Variants in ARHGAP42 observed in about 807,000 individuals in gnomAD.
ARHGAP42 encodes rho GTPase-activating protein 42.
In ARHGAP42, 63 loss-of-function variants were observed where a neutral mutation model predicts 125.0. The ratio of observed to expected loss-of-function variants is 0.50; its 90% CI spans 0.41 to 0.62. ARHGAP42 has a LOEUF of 0.62. Ranked by LOEUF, ARHGAP42 falls within the 20% of genes least tolerant of loss-of-function variation. The probability of loss-of-function intolerance (pLI) is 0.00; values close to 1 mark genes in which losing one functional copy is unlikely to be tolerated. For missense variants in ARHGAP42, 766 were observed against 1,024.2 expected, an observed-to-expected ratio of 0.75 and a Z score of 3.44; for synonymous variants, 339 against 351.0, an observed-to-expected ratio of 0.97 and a Z score of 0.38.
chr11:100,960,730 T>C (rs1857932755), intron 13 of ARHGAP42, among the ~76,000 whole-genome samples, 185 bp from the exon 14 acceptor site: 1 of 152,190 alleles, frequency 6.6e-6, no homozygotes, highest in South Asian at 2.1e-4. Context: ...TTCAAATCAC[T>C]GTTCAGTGTC....
At chr11:100,891,696 G>C (rs907014588) in intron 4 of ARHGAP42, among the ~76,000 whole-genome samples, 1 of 152,084 alleles carries the variant, frequency 6.6e-6, no homozygotes, top group Non-Finnish European at 1.5e-5. Context: ...ACCCACCTTG[G>C]CCTCCCTAAG....
rs138396136 is a variant in ARHGAP42, at chr11:100,728,890, T to A, written c.154+41058T>A. On this transcript the variant is annotated intron_variant, in intron 1 of 23. Transcript: ENST00000298815. ...TTCAAGCGGTTCTTCTGTCTCAGCT[T>A]CCTGGGTAGCTGGGATCACAGGCAT... 8.2e-3 allele frequency among the ~76,000 whole-genome samples: 1,250 copies of A among 152,024 alleles called. 17 individuals are homozygous for A. Among genetic ancestry groups the A allele is most frequent in the African/African-American group, 0.028 (1,179 of 41,468 alleles).
intron 1 of ARHGAP42, among the ~76,000 whole-genome samples, chr11:100,744,001 C>T (rs962534182): frequency 1.3e-5 from 2 of 152,134 alleles, no homozygotes; most frequent in African/African-American, 2.4e-5. Context: ...GTTGGAGTCT[C>T]GCTCTGCTGC....
intron 22 of ARHGAP42, chr11:100,986,138 G>A: frequency 2.2e-6 from 1 of 454,214 alleles, no homozygotes; most frequent in South Asian, 1.6e-5. Context: ...ATTGTGTCTA[G>A]GGGAGAAGAT....
At chr11:100,861,930 C>G (rs1048101200) in intron 4 of ARHGAP42, among the ~76,000 whole-genome samples, 2 of 151,884 alleles carry the variant, frequency 1.3e-5, no homozygotes, top group Non-Finnish European at 2.9e-5. Context: ...GGGAAGAGGA[C>G]CCAGGATGTT....
chr11:100,745,560 G>A (rs1862282842), intron 1 of ARHGAP42, among the ~76,000 whole-genome samples: 1 of 152,124 alleles, frequency 6.6e-6, no homozygotes, highest in Non-Finnish European at 1.5e-5. Context: ...CCTGTAAAGG[G>A]GTCATTTACC....
rs546129038 is a variant in ARHGAP42, at chr11:100,703,695, G to A, written c.154+15863G>A. 1.5e-3 allele frequency among the ~76,000 whole-genome samples: 227 copies of A among 152,356 alleles called. 1 individual carries two copies. Among genetic ancestry groups the A allele is most frequent in the Middle Eastern group, 3.4e-3 (1 of 294 alleles). ...CCATTTAGGGCTTAATGAACAGACA[G>A]TATAGATTTTGAGACTTTATAGACA... On this transcript the variant is annotated intron_variant, in intron 1 of 23. Transcript: ENST00000298815.
In ARHGAP42 at chr11:100,990,007, A is replaced by C. The variant is rs1858790014; in HGVS notation, c.*1206A>C. 6.6e-6 allele frequency: 1 copy of C among 152,212 alleles called. No homozygotes were observed. Among genetic ancestry groups the C allele is most frequent in the Non-Finnish European group, 1.5e-5 (1 of 68,036 alleles). The allele number at this position is 152,212 out of a possible 1,614,324, so 9.4% of individuals were successfully genotyped here. A position where few individuals can be genotyped will look rare whatever the true frequency, so the allele number is the denominator to read the frequency against. On this transcript the variant is annotated 3_prime_UTR_variant, in exon 24 of 24. Transcript: ENST00000298815. ...TGCCTTTTAGTTTACAGTCTTTATT[A>C]GCAATTTCAGTGAATTTGTAGAGCA...
chr11:100,758,995 G>A (rs1249419715), intron 1 of ARHGAP42, among the ~76,000 whole-genome samples: 1 of 152,024 alleles, frequency 6.6e-6, no homozygotes, highest in Non-Finnish European at 1.5e-5. Context: ...AAAAATTTTA[G>A]TGTTTTTTTG....
chr11:100,774,670 C>T (rs184071372), intron 2 of ARHGAP42, among the ~76,000 whole-genome samples: 281 of 152,180 alleles, frequency 1.8e-3, no homozygotes, highest in Admixed American at 3.9e-3. Flanking sequence ...GCTTTCATTG[C>T]GCTTACAGTG....
chr11:100,704,759 G>A (rs1480222532), intron 1 of ARHGAP42, among the ~76,000 whole-genome samples: 2 of 151,812 alleles, frequency 1.3e-5, no homozygotes, highest in Non-Finnish European at 2.9e-5. Context: ...AGGAGTTGGA[G>A]ACCAGCCTGG....
chr11:100,936,400 A>G, intron 8 of ARHGAP42, 68 bp downstream of exon 8: 1 of 1,523,618 alleles, frequency 6.6e-7, no homozygotes. Context: ...TGACTTGGTT[A>G]GTAGTATTTC....
chr11:100,785,445 G>A (rs1240597136), intron 2 of ARHGAP42, among the ~76,000 whole-genome samples: 3 of 152,204 alleles, frequency 2.0e-5, no homozygotes, highest in African/African-American at 7.2e-5. Context: ...AAAAGCAAAA[G>A]CAAAGGGGTT....
intron 1 of ARHGAP42, among the ~76,000 whole-genome samples, chr11:100,690,221 G>A (rs1379702066): frequency 1.3e-5 from 2 of 152,092 alleles, no homozygotes; most frequent in Non-Finnish European, 2.9e-5. Flanking sequence ...TATTTCAATA[G>A]ATGTATCCAT....
At chr11:100,832,631 G>T (rs1456891498) in intron 3 of ARHGAP42, among the ~76,000 whole-genome samples, 1 of 152,094 alleles carries the variant, frequency 6.6e-6, no homozygotes, top group Non-Finnish European at 1.5e-5. Context: ...CAAAATGTCA[G>T]ACAAACTTAC....
At chr11:100,801,199 T>C (rs1440933873) in intron 3 of ARHGAP42, among the ~76,000 whole-genome samples, 5 of 152,172 alleles carry the variant, frequency 3.3e-5, no homozygotes, top group Non-Finnish European at 7.3e-5. Flanking sequence ...AGAGATTTTG[T>C]ACAAAGATGT....
At chr11:100,778,064 C>G (rs1334311713) in intron 2 of ARHGAP42, among the ~76,000 whole-genome samples, 1 of 152,042 alleles carries the variant, frequency 6.6e-6, no homozygotes, top group African/African-American at 2.4e-5. Context: ...GACCTAGCTA[C>G]TCAGGAGGCT....
At chr11:100,926,862 T>A (rs571439648) in intron 6 of ARHGAP42, among the ~76,000 whole-genome samples, 58 of 152,354 alleles carry the variant, frequency 3.8e-4, no homozygotes, top group African/African-American at 1.3e-3. Flanking sequence ...GTGGCTTTTT[T>A]AAAAACACAT....
At chr11:100,848,406 C>T (rs571418655) in intron 3 of ARHGAP42, among the ~76,000 whole-genome samples, 10 of 152,134 alleles carry the variant, frequency 6.6e-5, no homozygotes, top group African/African-American at 1.4e-4. Flanking sequence ...GTTTGGGGAC[C>T]GGGTTAACAT....
Sources: gnomAD v4.1 joint callset for allele counts (sites outside exome capture counted in the v4.1 genomes callset) on GRCh38, gnomAD v4.1.1 for gene constraint, MANE v1.5 for transcripts, NCBI Gene and HGNC (gene_info 2026-07-23, HGNC 2026-07-21) for gene names.